GHR: variants seen among roughly 807,000 people sequenced by gnomAD.
GHR encodes the protein growth hormone receptor, also known as GH receptor.
In GHR, 35 loss-of-function variants were observed where a neutral mutation model predicts 67.1. The observed-to-expected ratio is 0.52, with a 90% confidence interval of 0.40 to 0.69. The LOEUF is 0.69. GHR is among the 30% of genes least tolerant of loss of function. The pLI, the probability that GHR is intolerant of heterozygous loss-of-function variation, is 0.00. For synonymous variants in GHR, 272 were observed against 269.1 expected (o/e 1.01, Z -0.10); for missense variants, 792 against 764.6 (o/e 1.04, Z -0.42).
chr5:42,468,351 T>C, intron 1 of GHR: 1 of 1,513,498 alleles, frequency 6.6e-7, no homozygotes, highest in East Asian at 2.3e-5. Context: ...GGAACGCCTA[T>C]AGCTGGGAGC....
At chr5:42,572,850 G>A (rs1750409267) in intron 2 of GHR, among the ~76,000 whole-genome samples, 2 of 152,130 alleles carry the variant, frequency 1.3e-5, no homozygotes, top group Admixed American at 1.3e-4. Flanking sequence ...TAACAAGCAG[G>A]ACACAGGATT....
intron 1 of GHR, among the ~76,000 whole-genome samples, chr5:42,482,455 G>A (rs1254284492): frequency 6.6e-6 from 1 of 152,202 alleles, no homozygotes; most frequent in Non-Finnish European, 1.5e-5. Flanking sequence ...CTGTCTTTTT[G>A]TTTGTCTGTG....
At chr5:42,675,901 G>C (rs528994385) in intron 3 of GHR, among the ~76,000 whole-genome samples, 2 of 152,190 alleles carry the variant, frequency 1.3e-5, no homozygotes, top group African/African-American at 2.4e-5. Context: ...AATGTAGACT[G>C]TGCCTTTATT....
intron 2 of GHR, among the ~76,000 whole-genome samples, chr5:42,622,498 C>T (rs1419233902): frequency 2.0e-5 from 3 of 152,276 alleles, no homozygotes; most frequent in East Asian, 1.9e-4. Context: ...TAAGCATACA[C>T]ATTCCCAGGA....
At chr5:42,498,835 A>C (rs1746423534) in intron 1 of GHR, among the ~76,000 whole-genome samples, 1 of 152,220 alleles carries the variant, frequency 6.6e-6, no homozygotes, top group African/African-American at 2.4e-5. Context: ...TGTGCTCTAT[A>C]GGTACAGAGC....
chr5:42,535,024 ATTTG>A (rs1415544196), intron 1 of GHR, among the ~76,000 whole-genome samples: 3 of 151,140 alleles, frequency 2.0e-5, no homozygotes, highest in African/African-American at 7.3e-5. Flanking sequence ...TTTCTTATTG[ATTTG>A]TTTGAGTTTG....
At chr5:42,487,283 ACTTATT>A (rs1285404050) in intron 1 of GHR, among the ~76,000 whole-genome samples, 1 of 152,080 alleles carries the variant, frequency 6.6e-6, no homozygotes. Context: ...AATCTTACCC[ACTTATT>A]CTTGTGTGAC....
chr5:42,707,255 C>T (rs1322930298), intron 6 of GHR, among the ~76,000 whole-genome samples: 1 of 152,022 alleles, frequency 6.6e-6, no homozygotes, highest in Non-Finnish European at 1.5e-5. Context: ...TGATGTCACA[C>T]TTACATCTTT....
In GHR at chr5:42,424,468, T is replaced by G; in HGVS notation, c.-12+513T>G. ...AGCGCGACTGGAGAGACTGGGGAGGTCGAGCTGTGCGCGTGGACACAGCGC... is the reference window on the plus strand; with the variant it reads ...AGCGCGACTGGAGAGACTGGGGAGGGCGAGCTGTGCGCGTGGACACAGCGC... On this transcript the variant is annotated intron_variant, in intron 1 of 9. Coordinates refer to ENST00000230882, the MANE Select transcript of GHR (RefSeq NM_000163.5). The surrounding 1 kb of genome is among the most constrained non-coding windows in gnomAD (Gnocchi z 4.1). 1 of 789,028 alleles carries G rather than the reference T, an allele frequency of 1.3e-6. No individual in the cohort carries two copies. The highest frequency in any genetic ancestry group is 2.1e-6 in the Non-Finnish European group (1 of 476,200). The allele number at this position is 789,028 out of a possible 1,614,324, so 48.9% of individuals were successfully genotyped here. A position where few individuals can be genotyped will look rare whatever the true frequency, so the allele number is the denominator to read the frequency against.
chr5:42,657,344 A>G (rs2112846791), intron 3 of GHR, among the ~76,000 whole-genome samples: 1 of 152,286 alleles, frequency 6.6e-6, no homozygotes, highest in South Asian at 2.1e-4. Flanking sequence ...CTGTGTCTAC[A>G]TATAAATGAT....
At chr5:42,441,520 T>G (rs955334192) in intron 1 of GHR, among the ~76,000 whole-genome samples, 54 of 152,182 alleles carry the variant, frequency 3.5e-4, no homozygotes, top group African/African-American at 1.3e-3. Flanking sequence ...AGGAGTTTTT[T>G]TTTTTTTGAG....
intron 1 of GHR, among the ~76,000 whole-genome samples, chr5:42,460,682 C>T (rs1196142317): frequency 1.3e-5 from 2 of 152,102 alleles, no homozygotes; most frequent in Non-Finnish European, 2.9e-5. Flanking sequence ...CTGCAAACAC[C>T]ATCCATCAAC....
intron 1 of GHR, among the ~76,000 whole-genome samples, chr5:42,456,653 G>A (rs1027410228): frequency 6.6e-6 from 1 of 152,202 alleles, no homozygotes; most frequent in Non-Finnish European, 1.5e-5. Context: ...TTGCCTTCCT[G>A]GCTCTTGAAG....
intron 1 of GHR, among the ~76,000 whole-genome samples, chr5:42,556,638 T>G (rs1346677487): frequency 1.3e-5 from 2 of 152,192 alleles, no homozygotes; most frequent in Non-Finnish European, 2.9e-5. Flanking sequence ...GAATATACTG[T>G]TCAAATAAGC....
intron 1 of GHR, among the ~76,000 whole-genome samples, chr5:42,476,213 T>TTTTTTG (rs1267967588): frequency 2.0e-5 from 3 of 148,994 alleles, no homozygotes; most frequent in South Asian, 4.3e-4. Context: ...TTTTGTTGTG[T>TTTTTTG]TTTTTGTTTT....
intron 2 of GHR, among the ~76,000 whole-genome samples, chr5:42,627,074 A>G (rs777854341): frequency 6.6e-6 from 1 of 152,192 alleles, no homozygotes; most frequent in African/African-American, 2.4e-5. Flanking sequence ...GACTGTGTTT[A>G]TAGTGGATGA....
rs577142774 is a variant in GHR, at chr5:42,658,666, T to C, written c.136+29563T>C. Among the ~76,000 whole-genome samples the C allele has an allele frequency of 8.5e-5, 13 of 152,248 alleles. No individual in the cohort carries two copies. In the South Asian group the frequency reaches 2.7e-3, roughly 32 times the overall value. On this transcript the variant is annotated intron_variant, in intron 3 of 9. Transcript: ENST00000230882. ...TGATTTTTTTCCCCCCAGGGGACAT[T>C]TGGCAATGTCTAGAGACATTTTACT...
At chr5:42,535,560 CT>C (rs1748220199) in intron 1 of GHR, among the ~76,000 whole-genome samples, 1 of 152,094 alleles carries the variant, frequency 6.6e-6, no homozygotes, top group Non-Finnish European at 1.5e-5. Flanking sequence ...TGACTATGGC[CT>C]TAGAGTATAG....
chr5:42,619,595 C>T (rs1458663298), intron 2 of GHR: 1 of 152,178 alleles, frequency 6.6e-6, no homozygotes, highest in African/African-American at 2.4e-5. Flanking sequence ...AGGACAGTGC[C>T]TGGCACATTG....
Sources: allele counts gnomAD v4.1 joint callset (sites outside exome capture counted in the v4.1 genomes callset), GRCh38; gene constraint gnomAD v4.1.1; non-coding constraint Gnocchi (gnomAD v3.1); transcripts MANE v1.5; gene names NCBI Gene and HGNC (gene_info 2026-07-23, HGNC 2026-07-21).